PCSK6: variants seen among roughly 807,000 people sequenced by gnomAD.
The protein encoded by PCSK6 is proprotein convertase subtilisin/kexin type 6.
PCSK6 carries 85 observed loss-of-function variants against 123.3 expected under a neutral mutation model. The ratio of observed to expected loss-of-function variants is 0.69; its 90% CI spans 0.58 to 0.83. The LOEUF (loss-of-function observed/expected upper bound fraction) is 0.83, where lower values mean the gene tolerates loss of function less well. PCSK6 is among the 40% of genes least tolerant of loss of function. The pLI is 0.00. For missense variants in PCSK6, 1,191 were observed against 1,282.3 expected, an observed-to-expected ratio of 0.93 and a Z score of 1.09; for synonymous variants, 508 against 516.0, an observed-to-expected ratio of 0.98 and a Z score of 0.21.
chr15:101,350,153 GC>G (rs2040853120), intron 13 of PCSK6, among the ~76,000 whole-genome samples: 1 of 152,090 alleles, frequency 6.6e-6, no homozygotes, highest in South Asian at 2.1e-4. Context: ...TGATCCACCT[GC>G]CTTGGCCTCT....
intron 13 of PCSK6, among the ~76,000 whole-genome samples, chr15:101,339,084 A>G (rs2040544957): frequency 6.6e-6 from 1 of 152,268 alleles, no homozygotes. Context: ...AAGCTTTCCT[A>G]TGCCTGGCAT....
chr15:101,309,378 C>T (rs768316268), intron 20 of PCSK6, among the ~76,000 whole-genome samples: 3 of 152,238 alleles, frequency 2.0e-5, no homozygotes, highest in African/African-American at 4.8e-5. Context: ...TGCCCAGCAG[C>T]GGGTCCTCGT....
chr15:101,365,710 G>C (rs1826743389), intron 13 of PCSK6: 1 of 153,566 alleles, frequency 6.5e-6, no homozygotes, highest in South Asian at 2.0e-4. Context: ...CCGTACAATG[G>C]AATATCGTTT....
intron 13 of PCSK6, 47 bp from the exon 14 acceptor site, chr15:101,332,078 C>G (rs1459327562): frequency 6.6e-7 from 1 of 1,514,332 alleles, no homozygotes; most frequent in Admixed American, 2.1e-5. Flanking sequence ...GCCAAGACCT[C>G]TGTCACTCAC....
intron 1 of PCSK6, among the ~76,000 whole-genome samples, chr15:101,443,942 G>A (rs192720444): frequency 6.6e-6 from 1 of 152,176 alleles, no homozygotes; most frequent in African/African-American, 2.4e-5. Context: ...TTAAAGTTTG[G>A]ACTATCATGG....
chr15:101,315,343 TCAA>T (rs1378802398), intron 19 of PCSK6, among the ~76,000 whole-genome samples: 2 of 152,244 alleles, frequency 1.3e-5, no homozygotes, highest in Non-Finnish European at 2.9e-5. Context: ...ACCTATTTTC[TCAA>T]CTACTAAAAA....
intron 13 of PCSK6, among the ~76,000 whole-genome samples, chr15:101,357,079 T>C (rs1309640340): frequency 6.6e-6 from 1 of 152,214 alleles, no homozygotes; most frequent in Non-Finnish European, 1.5e-5. Flanking sequence ...TTTCTTTTCA[T>C]TTTCTTTTAA....
intron 11 of PCSK6, among the ~76,000 whole-genome samples, chr15:101,381,310 G>T (rs2041905102): frequency 6.6e-6 from 1 of 152,174 alleles, no homozygotes; most frequent in African/African-American, 2.4e-5. Flanking sequence ...GTTGCAGTGA[G>T]CCGGGATCAT....
chr15:101,398,507 T>C lies in PCSK6; in HGVS notation c.893A>G (p.Tyr298Cys). ...CCAGCTGGCACTGTAAATGTCGATG[T>C]AGTTGGGTCTGATGCCCAGCGACTT... ...EAKSLGIRPNYIDIYSASWGP... is the reference protein window; with the variant it reads ...EAKSLGIRPNCIDIYSASWGP... The change falls in exon 7 of 22, where the codon TAC becomes TGC. Residue 298 changes from tyrosine to cysteine, a missense_variant. Tyr to Cys is a radical substitution (Grantham distance 194). This residue lies in a region of PCSK6 where 357 missense variants were observed against 484.5 expected (regional missense o/e 0.74). Coordinates refer to ENST00000611716, the MANE Select transcript of PCSK6 (RefSeq NM_002570.5). This position sits in a 1 kb window ranked among gnomAD's most constrained non-coding sequence, Gnocchi z 4.6. 6.8e-6 allele frequency: 11 copies of C among 1,613,958 alleles called. No individual in the cohort carries two copies. Among genetic ancestry groups the C allele is most frequent in the Non-Finnish European group, 9.3e-6 (11 of 1,179,842 alleles).
intron 1 of PCSK6, among the ~76,000 whole-genome samples, chr15:101,452,645 C>A (rs2057065101): frequency 6.6e-6 from 1 of 152,108 alleles, no homozygotes; most frequent in Non-Finnish European, 1.5e-5. Context: ...TGGAATCGAG[C>A]CCGTGGGGCT....
intron 2 of PCSK6, among the ~76,000 whole-genome samples, chr15:101,439,492 C>T (rs946590570): frequency 6.6e-6 from 1 of 152,198 alleles, no homozygotes; most frequent in Non-Finnish European, 1.5e-5. Flanking sequence ...AGCAGTCCAC[C>T]GTCCCCACGT....
Position 101,305,537 on chromosome 15 carries a change from G to A in PCSK6, c.2813-182C>T, listed in dbSNP as rs1453216772. 7 of 542,760 alleles carry A rather than the reference G, an allele frequency of 1.3e-5. No homozygotes were observed. The highest frequency in any genetic ancestry group is 4.9e-4 in the Middle Eastern group (1 of 2,058). The allele number at this position is 542,760 out of a possible 1,614,324, so 33.6% of individuals were successfully genotyped here. Reference sequence around the variant, plus strand: ...AGTCTAACCAACATGGTGAAACCCCGTCTCTACTAATAATATAAAAATTAG... The same window carrying A: ...AGTCTAACCAACATGGTGAAACCCCATCTCTACTAATAATATAAAAATTAG... On this transcript the variant is annotated intron_variant, in intron 21 of 21. Transcript: ENST00000611716. This position sits in a 1 kb window ranked among gnomAD's most constrained non-coding sequence, Gnocchi z 4.8.
At chr15:101,431,234 G>A (rs763172587) in intron 4 of PCSK6, 86 bp downstream of exon 4, 46 of 1,396,342 alleles carry the variant, frequency 3.3e-5, no homozygotes, top group Non-Finnish European at 4.1e-5. Context: ...GGGGGAGATC[G>A]GGACCTTACT....
At chr15:101,475,820 G>A (rs1377833694) in intron 1 of PCSK6, among the ~76,000 whole-genome samples, 1 of 152,064 alleles carries the variant, frequency 6.6e-6, no homozygotes, top group African/African-American at 2.4e-5. Context: ...AACAATGAGG[G>A]AAAAGAAGCA....
At chr15:101,408,307 G>A (rs1047403190) in intron 6 of PCSK6, among the ~76,000 whole-genome samples, 12 of 152,212 alleles carry the variant, frequency 7.9e-5, no homozygotes, top group South Asian at 2.1e-4. Context: ...AAGACTCAGC[G>A]TGCTCTCTTC....
Position 101,318,352 on chromosome 15 carries a change from C to G in PCSK6, c.2536G>C (p.Gly846Arg). The G allele has an allele frequency of 1.3e-6, 2 of 1,564,834 alleles. No individual in the cohort carries two copies. Among genetic ancestry groups the G allele is most frequent in the Middle Eastern group, 1.7e-4 (1 of 6,012 alleles). ...TYFDSELIRC[G>R]ECHHTCGTCV... ...GTTCCGCAGGTGTGATGGCATTCCC[C>G]ACATCTGATCAGCTCTGAGTCAAAG... Residue 846 changes from glycine (G) to arginine (R), a missense_variant, in exon 19 of 22, where the codon GGG becomes CGG. Transcript: ENST00000611716.
chr15:101,454,955 T>C (rs1302432558), intron 1 of PCSK6, among the ~76,000 whole-genome samples: 1 of 91,478 alleles, frequency 1.1e-5, no homozygotes, highest in African/African-American at 4.0e-5. Context: ...AAAAAATGAA[T>C]GAATGAATGA....
At chr15:101,484,693 C>T (rs1234687330) in intron 1 of PCSK6, among the ~76,000 whole-genome samples, 1 of 152,184 alleles carries the variant, frequency 6.6e-6, no homozygotes, top group East Asian at 1.9e-4. Context: ...GCCCGGCCTG[C>T]TTTGTGTGTT....
intron 6 of PCSK6, among the ~76,000 whole-genome samples, chr15:101,399,716 G>A (rs1040120343): frequency 1.3e-5 from 2 of 152,104 alleles, no homozygotes; most frequent in South Asian, 2.1e-4. Flanking sequence ...ACTCTTCCTG[G>A]ATTCTAGTAG....
Sources: gnomAD v4.1 joint callset for allele counts (sites outside exome capture counted in the v4.1 genomes callset) on GRCh38, gnomAD v4.1.1 for gene constraint, gnomAD v4.1.1 regional missense constraint, Gnocchi (gnomAD v3.1) non-coding constraint, MANE v1.5 for transcripts, NCBI Gene and HGNC (gene_info 2026-07-23, HGNC 2026-07-21) for gene names.